Variants in TAFA2 observed in about 807,000 individuals in gnomAD.
TAFA2 encodes the protein TAFA chemokine like family member 2.
A neutral mutation model predicts 18.8 loss-of-function variants in TAFA2; 7 were observed. That is an observed-to-expected ratio of 0.37 (90% confidence interval 0.21 to 0.70). The LOEUF is 0.70. Among genes scored for constraint, TAFA2 ranks in the 30% least tolerant of loss-of-function variants. The pLI is 0.53. For missense variants in TAFA2, 122 were observed against 158.1 expected (o/e 0.77, Z 1.23); for synonymous variants, 60 against 54.2 (o/e 1.11, Z -0.47).
chr12:61,809,141 TA>T (rs753569240), intron 2 of TAFA2, among the ~76,000 whole-genome samples: 4 of 151,554 alleles, frequency 2.6e-5, no homozygotes, highest in Admixed American at 6.6e-5. Flanking sequence ...ACAATGCCTA[TA>T]AATGAGCAGA....
At chr12:61,748,110 A>T (rs532848352) in intron 4 of TAFA2, among the ~76,000 whole-genome samples, 100 of 151,210 alleles carry the variant, frequency 6.6e-4, no homozygotes, top group African/African-American at 2.2e-3. Context: ...ACAGCAATTT[A>T]TGAGGTTGAG....
intron 1 of TAFA2, among the ~76,000 whole-genome samples, chr12:61,935,093 T>A (rs775414750): frequency 1.6e-4 from 24 of 152,188 alleles, no homozygotes; most frequent in Non-Finnish European, 2.8e-4. Flanking sequence ...GAAAAAGAAC[T>A]GTGAAGTGCT....
chr12:61,955,370 G>A (rs1878614104), intron 1 of TAFA2, among the ~76,000 whole-genome samples: 1 of 151,476 alleles, frequency 6.6e-6, no homozygotes, highest in African/African-American at 2.4e-5. Flanking sequence ...TTGGGAGGCT[G>A]AGGAGGGCAG....
At chr12:61,965,497 T>C (rs1332545480) in intron 1 of TAFA2, among the ~76,000 whole-genome samples, 1 of 151,942 alleles carries the variant, frequency 6.6e-6, no homozygotes, top group Non-Finnish European at 1.5e-5. Context: ...TGTGCGAGTA[T>C]GCAGTCACTT....
intron 1 of TAFA2, among the ~76,000 whole-genome samples, chr12:62,156,896 TA>T (rs2062373150): frequency 6.6e-6 from 1 of 152,140 alleles, no homozygotes; most frequent in Non-Finnish European, 1.5e-5. Flanking sequence ...GAAAAAAATT[TA>T]AAAACTATAT....
chr12:62,080,923 G>A lies in TAFA2; in HGVS notation c.-2+110336C>T, dbSNP rs543850968. ...TTAAAACATTCCCCTGGCCAGGCGCGGTGGCTCACGCCTGTAACCCCAGCA... is the reference window on the plus strand; with the variant it reads ...TTAAAACATTCCCCTGGCCAGGCGCAGTGGCTCACGCCTGTAACCCCAGCA... On this transcript the variant is annotated intron_variant, in intron 1 of 4. Transcript: ENST00000416284. 5.9e-5 allele frequency among the ~76,000 whole-genome samples: 9 copies of A among 152,234 alleles called. No homozygotes were observed. In the Middle Eastern group the frequency reaches 0.01, roughly 173 times the overall value.
intron 1 of TAFA2, among the ~76,000 whole-genome samples, chr12:62,178,977 G>A (rs1183303328): frequency 6.6e-6 from 1 of 152,160 alleles, no homozygotes; most frequent in Non-Finnish European, 1.5e-5. Context: ...CTCTATCAGA[G>A]TTTCCTTACC....
chr12:61,935,232 G>T (rs1247322580), intron 1 of TAFA2, among the ~76,000 whole-genome samples: 2 of 152,100 alleles, frequency 1.3e-5, no homozygotes, highest in Admixed American at 6.5e-5. Flanking sequence ...AATAGTAAAT[G>T]GCAAGAAACC....
intron 4 of TAFA2, among the ~76,000 whole-genome samples, chr12:61,721,708 C>T (rs1032749476): frequency 6.6e-6 from 1 of 152,196 alleles, no homozygotes; most frequent in Non-Finnish European, 1.5e-5. Flanking sequence ...GTTATCCCAA[C>T]ACTTTGGGAG....
intron 2 of TAFA2, among the ~76,000 whole-genome samples, chr12:61,760,365 A>AAAATATATATATATATATATATATAT (rs1869484239): frequency 1.6e-5 from 2 of 122,180 alleles, no homozygotes; most frequent in South Asian, 2.8e-4. Context: ...AAAATATCAA[A>AAAATATATATATATATATATATATAT]ATATATATAT....
chr12:61,938,230 T>TA (rs1157161976), intron 1 of TAFA2, among the ~76,000 whole-genome samples: 26,601 of 98,246 alleles, frequency 0.27, 3,442 homozygotes, highest in East Asian at 0.36. Flanking sequence ...ATAGATATGG[T>TA]AAAAAAAAAA....
At chr12:62,153,397 TCA>T (rs1403333725) in intron 1 of TAFA2, among the ~76,000 whole-genome samples, 1 of 152,160 alleles carries the variant, frequency 6.6e-6, no homozygotes, top group African/African-American at 2.4e-5. Flanking sequence ...CTGTGGTGGC[TCA>T]CACCTGTAAT....
At chr12:61,832,485 A>T (rs1872756272) in intron 2 of TAFA2, among the ~76,000 whole-genome samples, 1 of 152,062 alleles carries the variant, frequency 6.6e-6, no homozygotes, top group Admixed American at 6.6e-5. Flanking sequence ...CTCCAAGCCA[A>T]TAAAGTGTTC....
intron 1 of TAFA2, among the ~76,000 whole-genome samples, chr12:62,003,140 A>G (rs575880121): frequency 6.6e-6 from 1 of 152,214 alleles, no homozygotes; most frequent in East Asian, 1.9e-4. Context: ...CCCAGCTTCT[A>G]TCTTTCTCCA....
At chr12:62,187,083 C>T (rs1453381858) in intron 1 of TAFA2, among the ~76,000 whole-genome samples, 2 of 152,122 alleles carry the variant, frequency 1.3e-5, no homozygotes, top group Non-Finnish European at 2.9e-5. Context: ...CAATGTAATA[C>T]ATAGTTTGTG....
intron 1 of TAFA2, among the ~76,000 whole-genome samples, chr12:62,039,227 T>C (rs1302011585): frequency 3.9e-5 from 6 of 152,202 alleles, no homozygotes; most frequent in African/African-American, 1.4e-4. Flanking sequence ...AAATTTGGTA[T>C]GGTAAACTCT....
Position 61,888,934 on chromosome 12 carries a change from C to T in TAFA2, c.-1-21508G>A, listed in dbSNP as rs570704994. The stretch of plus-strand genomic sequence containing the variant: ...TGGACTCAGTTATTTTCAACAAAAG[C>T]TTTTTTAATGCTACCCCTCTCCATT... On this transcript the variant is annotated intron_variant, in intron 1 of 4. Coordinates refer to ENST00000416284, the MANE Select transcript of TAFA2 (RefSeq NM_178539.5). Among the ~76,000 whole-genome samples, 4 of 152,216 alleles carry T rather than the reference C, an allele frequency of 2.6e-5. No homozygotes were observed. The South Asian group carries it at 8.3e-4, about 32-fold the overall frequency.
intron 1 of TAFA2, among the ~76,000 whole-genome samples, chr12:62,008,092 T>C (rs1032897005): frequency 1.3e-5 from 2 of 152,166 alleles, no homozygotes; most frequent in African/African-American, 4.8e-5. Context: ...CTTCTGTGTC[T>C]AGCTTATTTC....
At chr12:61,879,955 G>A in intron 1 of TAFA2, 3 of 886,124 alleles carry the variant, frequency 3.4e-6, no homozygotes, top group Non-Finnish European at 3.8e-6. Flanking sequence ...TAGAGCTGGA[G>A]TCTCACCTGG....
Sources: allele counts gnomAD v4.1 joint callset (sites outside exome capture counted in the v4.1 genomes callset), GRCh38; gene constraint gnomAD v4.1.1; transcripts MANE v1.5; gene names NCBI Gene and HGNC (gene_info 2026-07-23, HGNC 2026-07-21).